OTUD7A: variants seen among roughly 807,000 people sequenced by gnomAD.
OTUD7A encodes the protein OTU domain-containing protein 7A.
In OTUD7A, 12 loss-of-function variants were observed where a neutral mutation model predicts 65.7. The observed-to-expected ratio is 0.18, with a 90% CI of 0.12 to 0.30. The LOEUF (loss-of-function observed/expected upper bound fraction) is 0.30, where lower values mean the gene tolerates loss of function less well. OTUD7A is among the 10% of genes least tolerant of loss of function. The probability of loss-of-function intolerance (pLI) is 1.00; values close to 1 mark genes in which losing one functional copy is unlikely to be tolerated. For synonymous variants in OTUD7A, 641 were observed against 586.3 expected (o/e 1.09, Z -1.35); for missense variants, 1,148 against 1,304.8 (o/e 0.88, Z 1.85).
intron 1 of OTUD7A, among the ~76,000 whole-genome samples, chr15:31,758,826 T>C (rs1433884437): frequency 1.3e-5 from 2 of 151,872 alleles, no homozygotes. Flanking sequence ...CCCCACCCAG[T>C]ATTTACCATA....
At chr15:31,640,395 C>T (rs1209758736) in intron 3 of OTUD7A, among the ~76,000 whole-genome samples, 1 of 152,020 alleles carries the variant, frequency 6.6e-6, no homozygotes, top group East Asian at 1.9e-4. Context: ...ACCCCAATAA[C>T]CTACGGAAAT....
At chr15:31,809,634 A>G (rs1221974294) in intron 1 of OTUD7A, among the ~76,000 whole-genome samples, 1 of 152,192 alleles carries the variant, frequency 6.6e-6, no homozygotes, top group East Asian at 1.9e-4. Context: ...CTAGGACACA[A>G]TGGCTAGTGC....
chr15:31,660,728 G>A (rs1288209595), intron 1 of OTUD7A, among the ~76,000 whole-genome samples: 2 of 152,268 alleles, frequency 1.3e-5, no homozygotes, highest in Non-Finnish European at 2.9e-5. Context: ...GCGACAGATA[G>A]GGCTGTGTGA....
intron 2 of OTUD7A, among the ~76,000 whole-genome samples, chr15:31,656,095 C>T (rs1189346017): frequency 6.6e-6 from 1 of 152,168 alleles, no homozygotes; most frequent in Non-Finnish European, 1.5e-5. Flanking sequence ...TGCCATCAAT[C>T]CAACAACATT....
intron 1 of OTUD7A, among the ~76,000 whole-genome samples, chr15:31,690,934 T>G (rs11071281): frequency 1.3e-5 from 2 of 151,684 alleles, no homozygotes; most frequent in Non-Finnish European, 2.9e-5. Context: ...ATAGATAAAA[T>G]GGACTTCATC....
intron 5 of OTUD7A, among the ~76,000 whole-genome samples, chr15:31,553,910 C>A (rs375576293): frequency 6.6e-6 from 1 of 152,022 alleles, no homozygotes; most frequent in Admixed American, 6.5e-5. Context: ...AATCAAGACG[C>A]GTCAGCCCCC....
At chr15:31,545,822 T>C (rs1433684853) in intron 5 of OTUD7A, among the ~76,000 whole-genome samples, 1 of 152,190 alleles carries the variant, frequency 6.6e-6, no homozygotes, top group Non-Finnish European at 1.5e-5. Context: ...ACAACTGTTA[T>C]AATGCTGAAC....
chr15:31,864,796 A>ACACACAC (rs1567061823), intron 1 of OTUD7A, among the ~76,000 whole-genome samples: 4 of 145,006 alleles, frequency 2.8e-5, no homozygotes, highest in African/African-American at 1.1e-4. Context: ...CACACACACA[A>ACACACAC]GTCAAAGCAA....
chr15:31,838,001 A>G (rs995759641), intron 1 of OTUD7A, among the ~76,000 whole-genome samples: 3 of 152,248 alleles, frequency 2.0e-5, no homozygotes, highest in Non-Finnish European at 4.4e-5. Flanking sequence ...GATACTTGAC[A>G]AAGTAGAAAA....
At chr15:31,655,542 C>T (rs1161662535) in intron 2 of OTUD7A, among the ~76,000 whole-genome samples, 2 of 151,752 alleles carry the variant, frequency 1.3e-5, no homozygotes, top group African/African-American at 4.8e-5. Context: ...ATCTAATCTC[C>T]AAGGTGATGG....
chr15:31,711,005 G>A (rs1009576199), intron 1 of OTUD7A, among the ~76,000 whole-genome samples: 6 of 152,088 alleles, frequency 3.9e-5, no homozygotes, highest in South Asian at 2.1e-4. Context: ...ACTCACCTGA[G>A]GAGCATGTGC....
intron 1 of OTUD7A, among the ~76,000 whole-genome samples, chr15:31,663,839 C>A (rs776803465): frequency 1.1e-4 from 16 of 152,074 alleles, no homozygotes; most frequent in Admixed American, 1.0e-3. Flanking sequence ...ATCCTTCCCC[C>A]CAAGTCCCCA....
Position 31,699,051 on chromosome 15 carries a change from G to T in OTUD7A, c.-99-41974C>A, listed in dbSNP as rs920115372. Reference sequence around the variant, plus strand: ...GCTTTGCTGAAGTACGAGACATTCTGCATCAAACTATGAAAGGCAGTGATT... The same window carrying T: ...GCTTTGCTGAAGTACGAGACATTCTTCATCAAACTATGAAAGGCAGTGATT... On this transcript the variant is annotated intron_variant, in intron 1 of 12. Transcript: ENST00000307050. Among the ~76,000 whole-genome samples, 39 of 150,990 alleles carry T rather than the reference G, an allele frequency of 2.6e-4. 1 individual carries two copies. Among genetic ancestry groups the T allele is most frequent in the Non-Finnish European group, 1.3e-4 (9 of 67,672 alleles).
chr15:31,729,067 A>G (rs1482545735), intron 1 of OTUD7A, among the ~76,000 whole-genome samples: 2 of 152,234 alleles, frequency 1.3e-5, no homozygotes, highest in African/African-American at 4.8e-5. Context: ...ATTTTATTAT[A>G]GTATGTTGTG....
chr15:31,653,645 G>A (rs1214809564), intron 3 of OTUD7A, among the ~76,000 whole-genome samples: 1 of 149,970 alleles, frequency 6.7e-6, no homozygotes, highest in African/African-American at 2.5e-5. Context: ...AGAGAATCTG[G>A]AGGGGATGAA....
intron 1 of OTUD7A, among the ~76,000 whole-genome samples, chr15:31,778,519 A>G (rs1347562123): frequency 1.3e-5 from 2 of 152,240 alleles, no homozygotes; most frequent in African/African-American, 4.8e-5. Context: ...CAATGCACAC[A>G]GTGGCACGGA....
intron 1 of OTUD7A, among the ~76,000 whole-genome samples, chr15:31,672,412 G>C (rs1220166985): frequency 6.6e-6 from 1 of 152,196 alleles, no homozygotes; most frequent in African/African-American, 2.4e-5. Context: ...GAGTTAAAAA[G>C]ATTCTTCCCA....
Position 31,484,268 on chromosome 15 carries a change from TCTC to T in OTUD7A, c.1825_1827del (p.Glu609del). 5.6e-6 allele frequency: 9 copies of T among 1,594,424 alleles called. No homozygotes were observed. Among genetic ancestry groups the T allele is most frequent in the Non-Finnish European group, 6.8e-6 (8 of 1,174,032 alleles). On this transcript the variant is annotated inframe_deletion, in exon 13 of 13. Coordinates refer to ENST00000307050, the MANE Select transcript of OTUD7A (RefSeq NM_001382637.1). The surrounding 1 kb of genome is among the most constrained non-coding windows in gnomAD (Gnocchi z 4.5). Reference sequence around the variant, plus strand: ...GCGTCGCCCCGCGGCCCACCGCCCTTCTCCGCCGGCGACGCGCCCGCTGCCTTG... The same window carrying T: ...GCGTCGCCCCGCGGCCCACCGCCCTTCGCCGGCGACGCGCCCGCTGCCTTG...
At chr15:31,562,431 A>C (rs563541732) in intron 4 of OTUD7A, among the ~76,000 whole-genome samples, 1 of 152,124 alleles carries the variant, frequency 6.6e-6, no homozygotes, top group Non-Finnish European at 1.5e-5. Flanking sequence ...CGTTATGCAC[A>C]CTAGCTGGGG....
Sources: allele counts gnomAD v4.1 joint callset (sites outside exome capture counted in the v4.1 genomes callset), GRCh38; gene constraint gnomAD v4.1.1; non-coding constraint Gnocchi (gnomAD v3.1); transcripts MANE v1.5; gene names NCBI Gene and HGNC (gene_info 2026-07-23, HGNC 2026-07-21).